GRIK2: variants seen among roughly 807,000 people sequenced by gnomAD.
GRIK2 encodes the protein glutamate receptor ionotropic, kainate 2.
A neutral mutation model predicts 100.3 loss-of-function variants in GRIK2; 32 were observed. The observed-to-expected ratio is 0.32, with a 90% CI of 0.24 to 0.43. The LOEUF (loss-of-function observed/expected upper bound fraction) is 0.43. Ranked by LOEUF, GRIK2 falls within the 20% of genes least tolerant of loss-of-function variation. GRIK2 has a pLI of 1.00. For missense variants in GRIK2, 843 were observed against 1,114.9 expected (o/e 0.76, Z 3.47); for synonymous variants, 417 against 389.4 (o/e 1.07, Z -0.83).
At chr6:101,844,418 A>C (rs1783689778) in intron 10 of GRIK2, among the ~76,000 whole-genome samples, 1 of 152,178 alleles carries the variant, frequency 6.6e-6, no homozygotes, top group African/African-American at 2.4e-5. Flanking sequence ...TAGGAGAATA[A>C]ATTTGTGGTA....
intron 14 of GRIK2, among the ~76,000 whole-genome samples, chr6:102,031,029 C>G (rs1582753865): frequency 1.4e-5 from 2 of 147,274 alleles, no homozygotes; most frequent in Non-Finnish European, 3.0e-5. Flanking sequence ...CTTGTTCAAC[C>G]TAAACCTCTT....
intron 13 of GRIK2, chr6:101,927,716 A>G (rs1389963647): frequency 1.3e-5 from 2 of 152,078 alleles, no homozygotes; most frequent in South Asian, 2.1e-4. Flanking sequence ...TATAGTTATA[A>G]AAGATTTATA....
intron 2 of GRIK2, among the ~76,000 whole-genome samples, chr6:101,573,886 G>C (rs1046137066): frequency 2.0e-5 from 3 of 151,934 alleles, no homozygotes; most frequent in Non-Finnish European, 4.4e-5. Flanking sequence ...TTAAAAGCTT[G>C]TTCTAGAGAA....
chr6:101,840,902 T>A (rs1451113090), intron 10 of GRIK2, among the ~76,000 whole-genome samples: 1 of 152,252 alleles, frequency 6.6e-6, no homozygotes, highest in Non-Finnish European at 1.5e-5. Context: ...AAAGAAATGC[T>A]TTCGCCATAT....
chr6:101,701,730 G>T (rs184644786), intron 7 of GRIK2, among the ~76,000 whole-genome samples: 4 of 152,094 alleles, frequency 2.6e-5, no homozygotes, highest in Admixed American at 2.6e-4. Flanking sequence ...GGTAAATATA[G>T]ATATTACTCA....
intron 12 of GRIK2, among the ~76,000 whole-genome samples, chr6:101,921,292 A>G (rs1290206612): frequency 6.6e-6 from 1 of 152,106 alleles, no homozygotes. Flanking sequence ...ATTAGTAAAA[A>G]TTGTGAATTA....
intron 2 of GRIK2, among the ~76,000 whole-genome samples, chr6:101,619,159 T>G (rs1287981306): frequency 6.6e-6 from 1 of 151,190 alleles, no homozygotes; most frequent in African/African-American, 2.4e-5. Context: ...CTAGATTTTT[T>G]TCATCTCCTT....
intron 14 of GRIK2, among the ~76,000 whole-genome samples, chr6:101,975,809 G>GTCTATCTA (rs71028093): frequency 0.28 from 41,842 of 147,252 alleles, 6,281 homozygotes; most frequent in Non-Finnish European, 0.33. Context: ...CTATCTATCT[G>GTCTATCTA]TCTATCTATC....
rs146919324 is a variant in GRIK2 at position 101,736,380 on chromosome 6, C to T, written c.951+50027C>T. Reference sequence around the variant, plus strand: ...ACACTGCCCTAGCAGAGTTTCTCCACGAGGGCCCCATCCCTGCAGCAAACT... The same window carrying T: ...ACACTGCCCTAGCAGAGTTTCTCCATGAGGGCCCCATCCCTGCAGCAAACT... On this transcript the variant is annotated intron_variant, in intron 7 of 16. Transcript: ENST00000369134. Among the ~76,000 whole-genome samples the T allele has an allele frequency of 9.2e-3, 1,404 of 152,310 alleles. 27 individuals are homozygous for T. The highest frequency in any genetic ancestry group is 0.052 in the Admixed American group (797 of 15,292).
intron 2 of GRIK2, among the ~76,000 whole-genome samples, chr6:101,610,919 C>A (rs1779646263): frequency 6.6e-6 from 1 of 151,714 alleles, no homozygotes; most frequent in African/African-American, 2.4e-5. Context: ...TATCTTGATA[C>A]TATTCAAGCG....
intron 7 of GRIK2, among the ~76,000 whole-genome samples, chr6:101,693,273 G>A (rs1471993969): frequency 6.6e-6 from 1 of 152,034 alleles, no homozygotes; most frequent in Non-Finnish European, 1.5e-5. Flanking sequence ...CTTGGGAAAA[G>A]TAAGGGTAAA....
intron 6 of GRIK2, among the ~76,000 whole-genome samples, chr6:101,685,377 C>T (rs1771601829): frequency 6.6e-6 from 1 of 152,100 alleles, no homozygotes; most frequent in Non-Finnish European, 1.5e-5. Context: ...GTTCACAGAA[C>T]CAATGGCATT....
intron 7 of GRIK2, among the ~76,000 whole-genome samples, chr6:101,788,676 T>G (rs926427506): frequency 6.6e-6 from 1 of 152,190 alleles, no homozygotes; most frequent in Admixed American, 6.5e-5. Flanking sequence ...AACATACATG[T>G]GCATGTGTCT....
intron 10 of GRIK2, among the ~76,000 whole-genome samples, chr6:101,833,782 A>T (rs1347526743): frequency 6.6e-6 from 1 of 152,006 alleles, no homozygotes; most frequent in Non-Finnish European, 1.5e-5. Context: ...GAACTGCTAT[A>T]TTTTGTTTGC....
chr6:101,676,571 A>C, intron 4 of GRIK2, 52 bp from the exon 5 acceptor site: 1 of 1,010,410 alleles, frequency 9.9e-7, no homozygotes, highest in Non-Finnish European at 1.4e-6. Context: ...TCTTTGCCCT[A>C]CTCTATTTTT....
chr6:101,704,677 C>A lies in GRIK2; in HGVS notation c.951+18324C>A, dbSNP rs1205504085. On this transcript the variant is annotated intron_variant, in intron 7 of 16. Coordinates refer to ENST00000369134, the MANE Select transcript of GRIK2 (RefSeq NM_021956.5). ...TATGTAGCCTCCTCCCTTCTCCCCA[C>A]CCCCCGAAAAAAACCCATGTAACAG... is the stretch of plus-strand genomic sequence containing the variant. Among the ~76,000 whole-genome samples, 7 of 151,112 alleles carry A rather than the reference C, an allele frequency of 4.6e-5. No homozygotes were observed. In the South Asian group the frequency reaches 1.0e-3, roughly 22 times the overall value.
At chr6:101,929,995 A>G (rs913506154) in intron 14 of GRIK2, among the ~76,000 whole-genome samples, 10 of 151,654 alleles carry the variant, frequency 6.6e-5, no homozygotes, top group Non-Finnish European at 1.5e-4. Flanking sequence ...TTGAGAATTT[A>G]TAAGATTTCC....
intron 2 of GRIK2, among the ~76,000 whole-genome samples, chr6:101,612,716 A>ATGTGTGTG (rs139709674): frequency 1.9e-3 from 268 of 143,428 alleles, no homozygotes; most frequent in African/African-American, 3.2e-3. Flanking sequence ...GTATGTGTTA[A>ATGTGTGTG]TGTGTGTGTG....
chr6:101,974,388 C>T (rs1170182339), intron 14 of GRIK2, among the ~76,000 whole-genome samples: 1 of 151,936 alleles, frequency 6.6e-6, no homozygotes, highest in East Asian at 1.9e-4. Context: ...TGTTAAGATA[C>T]TATTAGGCAT....
Sources: allele counts gnomAD v4.1 joint callset (sites outside exome capture counted in the v4.1 genomes callset), GRCh38; gene constraint gnomAD v4.1.1; transcripts MANE v1.5; gene names NCBI Gene and HGNC (gene_info 2026-07-23, HGNC 2026-07-21).